The following HCN1 variants were observed in gnomAD, a reference collection of about 807,000 sequenced individuals.
HCN1 encodes the protein hyperpolarization activated cyclic nucleotide gated potassium channel 1, also known as potassium/sodium hyperpolarization-activated cyclic nucleotide-gated channel 1.
A neutral mutation model predicts 78.9 loss-of-function variants in HCN1; 13 were observed. That is an observed-to-expected ratio of 0.16 (90% CI 0.11 to 0.26). HCN1 has a LOEUF of 0.26. Ranked by LOEUF, HCN1 falls within the 10% of genes least tolerant of loss-of-function variation. The pLI is 1.00. For missense variants in HCN1, 810 were observed against 1,154.3 expected (o/e 0.70, Z 4.32); for synonymous variants, 552 against 455.5 (o/e 1.21, Z -2.70).
At chr5:45,516,569 G>A (rs531188366) in intron 2 of HCN1, among the ~76,000 whole-genome samples, 16 of 151,952 alleles carry the variant, frequency 1.1e-4, no homozygotes, top group African/African-American at 3.9e-4. Flanking sequence ...TTAGTTTGTG[G>A]TATTAGATAT....
chr5:45,612,074 C>T (rs1311948029), intron 2 of HCN1, among the ~76,000 whole-genome samples: 1 of 152,190 alleles, frequency 6.6e-6, no homozygotes, highest in Non-Finnish European at 1.5e-5. Context: ...ACCCATCACA[C>T]TCACAAGGGT....
At chr5:45,471,630 T>C (rs1393588856) in intron 2 of HCN1, among the ~76,000 whole-genome samples, 3 of 151,940 alleles carry the variant, frequency 2.0e-5, no homozygotes, top group Admixed American at 6.6e-5. Flanking sequence ...TGTGTTATCT[T>C]ATCCCTCCTG....
At chr5:45,426,678 G>T (rs564955611) in intron 3 of HCN1, among the ~76,000 whole-genome samples, 6 of 152,228 alleles carry the variant, frequency 3.9e-5, no homozygotes, top group African/African-American at 1.4e-4. Flanking sequence ...CCAGTCTCAG[G>T]TATGTGTTTA....
At chr5:45,390,247 G>A (rs1739508327) in intron 4 of HCN1, among the ~76,000 whole-genome samples, 2 of 152,132 alleles carry the variant, frequency 1.3e-5, no homozygotes, top group African/African-American at 4.8e-5. Context: ...GTTGATTCTT[G>A]TCAATGTGGG....
At chr5:45,549,613 A>C (rs1743315934) in intron 2 of HCN1, among the ~76,000 whole-genome samples, 1 of 152,204 alleles carries the variant, frequency 6.6e-6, no homozygotes, top group African/African-American at 2.4e-5. Context: ...TAAAACACCA[A>C]AAGTAATGGC....
intron 2 of HCN1, among the ~76,000 whole-genome samples, chr5:45,639,486 T>A (rs1381313229): frequency 6.6e-6 from 1 of 152,204 alleles, no homozygotes; most frequent in Admixed American, 6.6e-5. Flanking sequence ...CTTTATGTGA[T>A]TTTCCCTAGA....
chr5:45,441,460 A>G (rs1220995343), intron 3 of HCN1, among the ~76,000 whole-genome samples: 1 of 152,272 alleles, frequency 6.6e-6, no homozygotes, highest in East Asian at 1.9e-4. Context: ...ATACTATTTA[A>G]TACATCCTAA....
chr5:45,310,017 C>T (rs981648974), intron 5 of HCN1, among the ~76,000 whole-genome samples: 2 of 151,768 alleles, frequency 1.3e-5, no homozygotes, highest in African/African-American at 4.8e-5. Flanking sequence ...GGTTGGTAGG[C>T]TATTTATTAC....
intron 2 of HCN1, among the ~76,000 whole-genome samples, chr5:45,530,466 T>A (rs1478216144): frequency 6.6e-6 from 1 of 150,864 alleles, no homozygotes; most frequent in Non-Finnish European, 1.5e-5. Flanking sequence ...AGGGTGCTTT[T>A]TTGAGTGGCA....
chr5:45,507,019 C>T (rs1360104821), intron 2 of HCN1, among the ~76,000 whole-genome samples: 1 of 151,854 alleles, frequency 6.6e-6, no homozygotes, highest in East Asian at 1.9e-4. Flanking sequence ...ATTCACAGGG[C>T]CATTAGTTGA....
intron 2 of HCN1, chr5:45,643,743 G>A (rs1180009942): frequency 6.6e-6 from 1 of 152,126 alleles, no homozygotes; most frequent in Non-Finnish European, 1.5e-5. Context: ...GGAAGATTCA[G>A]TGAGCTAATA....
intron 4 of HCN1, among the ~76,000 whole-genome samples, chr5:45,365,936 T>A (rs963671460): frequency 6.6e-6 from 1 of 151,870 alleles, no homozygotes; most frequent in Non-Finnish European, 1.5e-5. Flanking sequence ...TTAACTTAAA[T>A]GACCTCCCAT....
intron 4 of HCN1, among the ~76,000 whole-genome samples, chr5:45,392,082 C>A (rs1561138036): frequency 6.6e-6 from 1 of 152,006 alleles, no homozygotes. Flanking sequence ...TCTTGAAGAG[C>A]ATATAACCAA....
intron 2 of HCN1, among the ~76,000 whole-genome samples, chr5:45,587,431 C>G (rs977576040): frequency 6.6e-6 from 1 of 152,026 alleles, no homozygotes; most frequent in Non-Finnish European, 1.5e-5. Context: ...CCATCATTCT[C>G]AGCAAACTAT....
At chr5:45,497,991 G>A (rs60930590) in intron 2 of HCN1, among the ~76,000 whole-genome samples, 10 of 152,026 alleles carry the variant, frequency 6.6e-5, no homozygotes, top group Admixed American at 3.3e-4. Flanking sequence ...GAGGGTAACC[G>A]GACCTTTCTC....
At chr5:45,567,293 G>T (rs1451429397) in intron 2 of HCN1, among the ~76,000 whole-genome samples, 2 of 151,490 alleles carry the variant, frequency 1.3e-5, no homozygotes, top group African/African-American at 4.8e-5. Flanking sequence ...ATTGTTCTTG[G>T]CTCTGCTAAC....
In HCN1 at chr5:45,562,924, G is replaced by A. The variant is rs571155756; in HGVS notation, c.849+82261C>T. Reference sequence around the variant, plus strand: ...AGCAAAATACATAGGATATGTGATGGACCATTTAAAACTAGAACTTGAAGA... The same window carrying A: ...AGCAAAATACATAGGATATGTGATGAACCATTTAAAACTAGAACTTGAAGA... On this transcript the variant is annotated intron_variant, in intron 2 of 7. Coordinates refer to ENST00000303230, the MANE Select transcript of HCN1 (RefSeq NM_021072.4). 2.6e-5 allele frequency among the ~76,000 whole-genome samples: 4 copies of A among 152,240 alleles called. No homozygotes were observed. In the East Asian group the frequency reaches 5.8e-4, roughly 22 times the overall value.
intron 2 of HCN1, among the ~76,000 whole-genome samples, chr5:45,510,312 T>C (rs576148818): frequency 5.6e-4 from 86 of 152,216 alleles, no homozygotes; most frequent in African/African-American, 1.9e-3. Flanking sequence ...AGAACATTTT[T>C]TTCAGAAACA....
chr5:45,348,198 G>T (rs1016609703), intron 5 of HCN1, among the ~76,000 whole-genome samples: 2 of 152,138 alleles, frequency 1.3e-5, no homozygotes, highest in East Asian at 3.9e-4. Flanking sequence ...AGAAGAGAGT[G>T]GGGGGCCAGT....
Sources: allele counts gnomAD v4.1 joint callset (sites outside exome capture counted in the v4.1 genomes callset), GRCh38; gene constraint gnomAD v4.1.1; transcripts MANE v1.5; gene names NCBI Gene and HGNC (gene_info 2026-07-23, HGNC 2026-07-21).